Variants in C9orf40 observed in about 807,000 individuals in gnomAD.
C9orf40 encodes the protein uncharacterized protein C9orf40.
In C9orf40, 2 loss-of-function variants were observed where a neutral mutation model predicts 7.9. The ratio of observed to expected loss-of-function variants is 0.25; its 90% confidence interval spans 0.10 to 0.80. C9orf40 has a LOEUF of 0.80. C9orf40 is among the 30% of genes least tolerant of loss of function. C9orf40 has a pLI of 0.68. For missense variants in C9orf40, 256 were observed against 268.5 expected, an observed-to-expected ratio of 0.95 and a Z score of 0.33; for synonymous variants, 113 against 117.6, an observed-to-expected ratio of 0.96 and a Z score of 0.25.
Position 74,946,884 on chromosome 9 carries a change from A to C in C9orf40, c.*1164T>G, listed in dbSNP as rs1832246156. The C allele has an allele frequency of 6.6e-6, 1 of 152,240 alleles. No homozygotes were observed. The highest frequency in any genetic ancestry group is 2.4e-5 in the African/African-American group (1 of 41,466). 9.4% of individuals were successfully genotyped at this position (152,240 alleles called of 1,614,324 possible). Reference sequence around the variant, plus strand: ...ATCAACAACAAAAAATGCAAGCAAGAACCAGTTACTCAATTGCAAAACCAA... The same window carrying C: ...ATCAACAACAAAAAATGCAAGCAAGCACCAGTTACTCAATTGCAAAACCAA... On this transcript the variant is annotated 3_prime_UTR_variant, in exon 2 of 2. Transcript: ENST00000376854.
Position 74,952,515 on chromosome 9 carries a change from G to A in C9orf40, c.97C>T (p.Leu33Phe), listed in dbSNP as rs775455756. The change falls in exon 1 of 2, where the codon CTC becomes TTC. Residue 33 changes from leucine to phenylalanine, a missense_variant. Leu to Phe is a conservative substitution (Grantham distance 22, BLOSUM62 0). Transcript: ENST00000376854. The surrounding 1 kb of genome is among the most constrained non-coding windows in gnomAD (Gnocchi z 5.4). ...DFAEQPPPPPLWIRPPGVAHA... is the reference protein window; with the variant it reads ...DFAEQPPPPPFWIRPPGVAHA... ...GCGACCCCGGGCGGCCGGATCCAGA[G>A]AGGCGGTGGCGGCGGCTGCTCAGCG... is the stretch of plus-strand genomic sequence containing the variant. 2 of 1,591,936 alleles carry A rather than the reference G, an allele frequency of 1.3e-6. No homozygotes were observed. The highest frequency in any genetic ancestry group is 2.7e-5 in the African/African-American group (2 of 74,238).
intron 1 of C9orf40, among the ~76,000 whole-genome samples, chr9:74,948,501 T>G (rs1260270972): frequency 6.6e-6 from 1 of 152,172 alleles, no homozygotes; most frequent in Non-Finnish European, 1.5e-5. Flanking sequence ...TAAAGAAAAT[T>G]ATCTAAAAAG....
At position 74,952,303 on chromosome 9, in the gene C9orf40, GGGC is replaced by G. The variant is rs778729188; in HGVS notation, c.306_308del (p.Pro103del). The G allele has an allele frequency of 2.2e-6, 3 of 1,364,290 alleles. No homozygotes were observed. The highest frequency in any genetic ancestry group is 2.8e-6 in the Non-Finnish European group (3 of 1,060,644). The allele number at this position is 1,364,290 out of a possible 1,614,324, so 84.5% of individuals were successfully genotyped here. ...GCTCCTCCCCCGGCCCCGGCAGTAC[GGGC>G]GGCGGCGGCAGCGGCGGATCGCCTG... On this transcript the variant is annotated inframe_deletion, in exon 1 of 2. Transcript: ENST00000376854. This position sits in a 1 kb window ranked among gnomAD's most constrained non-coding sequence, Gnocchi z 5.4.
rs752840864 is a variant in C9orf40 at position 74,948,202 on chromosome 9, T to C, written c.431A>G (p.Asn144Ser). ...GDWGVASRQH[N>S]EEFWQYNTFQ... The stretch of plus-strand genomic sequence containing the variant: ...GGTATTATACTGCCAAAATTCTTCA[T>C]TGTGCTTTAGAGAAAAAAGAGAGAT... The change falls in exon 2 of 2, where the codon AAT becomes AGT. Residue 144 changes from asparagine to serine, a missense_variant. Asn to Ser is a conservative substitution (Grantham distance 46, BLOSUM62 1). Coordinates refer to ENST00000376854, the MANE Select transcript of C9orf40 (RefSeq NM_017998.3). 5.0e-6 allele frequency: 8 copies of C among 1,605,698 alleles called. No individual in the cohort carries two copies. Among genetic ancestry groups the C allele is most frequent in the African/African-American group, 1.3e-5 (1 of 74,606 alleles).
At position 74,948,041 on chromosome 9, in the gene C9orf40, C is replaced by T. The variant is rs747294638; in HGVS notation, c.*7G>A. On this transcript the variant is annotated 3_prime_UTR_variant, in exon 2 of 2. Transcript: ENST00000376854. ...ATCAGCCAATCCCACTGCTTCGGCTCCTTACATCAGGACTCCATGTCAACC... is the reference window on the plus strand; with the variant it reads ...ATCAGCCAATCCCACTGCTTCGGCTTCTTACATCAGGACTCCATGTCAACC... 1 of 1,612,252 alleles carries T rather than the reference C, an allele frequency of 6.2e-7. No individual in the cohort carries two copies. The highest frequency in any genetic ancestry group is 2.2e-5 in the East Asian group (1 of 44,844).
chr9:74,948,340 A>G, intron 1 of C9orf40, 134 bp from the exon 2 acceptor site: 1 of 543,196 alleles, frequency 1.8e-6, no homozygotes, highest in East Asian at 3.1e-5. Context: ...TTTAACAAAT[A>G]TACATTTTAA....
intron 1 of C9orf40, among the ~76,000 whole-genome samples, chr9:74,951,942 G>A (rs1718060759): frequency 6.6e-6 from 1 of 152,184 alleles, no homozygotes; most frequent in South Asian, 2.1e-4. Flanking sequence ...GACGCCGCAA[G>A]GCCACTTCTA....
In C9orf40 at chr9:74,947,616, A is replaced by G. The variant is rs1832255642; in HGVS notation, c.*432T>C. Reference sequence around the variant, plus strand: ...CAAGTCAGCTATTTGTTCAACTAACAGAGTCAATAGAATGTATTAGAAAGT... The same window carrying G: ...CAAGTCAGCTATTTGTTCAACTAACGGAGTCAATAGAATGTATTAGAAAGT... On this transcript the variant is annotated 3_prime_UTR_variant, in exon 2 of 2. Coordinates refer to ENST00000376854, the MANE Select transcript of C9orf40 (RefSeq NM_017998.3). 1 of 153,138 alleles carries G rather than the reference A, an allele frequency of 6.5e-6. No individual in the cohort carries two copies. The highest frequency in any genetic ancestry group is 1.5e-5 in the Non-Finnish European group (1 of 68,386). The allele number at this position is 153,138 out of a possible 1,614,324, so 9.5% of individuals were successfully genotyped here. A position where few individuals can be genotyped will look rare whatever the true frequency, so the allele number is the denominator to read the frequency against.
intron 1 of C9orf40, among the ~76,000 whole-genome samples, chr9:74,949,323 G>C (rs893599854): frequency 1.3e-5 from 2 of 152,134 alleles, no homozygotes; most frequent in African/African-American, 4.8e-5. Flanking sequence ...CCCAGAGTTT[G>C]AGACCAGCCC....
intron 1 of C9orf40, among the ~76,000 whole-genome samples, chr9:74,949,810 AAG>A (rs1449265605): frequency 6.6e-6 from 1 of 152,192 alleles, no homozygotes; most frequent in Non-Finnish European, 1.5e-5. Context: ...ATGATTGTAA[AAG>A]AGAAGCGCCT....
chr9:74,950,603 A>AAC (rs1832285155), intron 1 of C9orf40, among the ~76,000 whole-genome samples: 1 of 152,198 alleles, frequency 6.6e-6, no homozygotes, highest in Non-Finnish European at 1.5e-5. Flanking sequence ...GAAAAAAAAA[A>AAC]AAAAAGTCTT....
In C9orf40 at chr9:74,952,082, G is replaced by C; in HGVS notation, c.426+104C>G. The C allele has an allele frequency of 2.3e-6, 1 of 433,386 alleles. No individual in the cohort carries two copies. The highest frequency in any genetic ancestry group is 3.9e-6 in the Non-Finnish European group (1 of 256,078). The allele number at this position is 433,386 out of a possible 1,614,324, so 26.8% of individuals were successfully genotyped here. A position where few individuals can be genotyped will look rare whatever the true frequency, so the allele number is the denominator to read the frequency against. Reference sequence around the variant, plus strand: ...TGACCCCTTCTTTCAACCCCCTCAGGCGTCTTAACCTACACAAGTCATGAG... The same window carrying C: ...TGACCCCTTCTTTCAACCCCCTCAGCCGTCTTAACCTACACAAGTCATGAG... On this transcript the variant is annotated intron_variant, in intron 1 of 1. Transcript: ENST00000376854. This position sits in a 1 kb window ranked among gnomAD's most constrained non-coding sequence, Gnocchi z 5.4.
intron 1 of C9orf40, among the ~76,000 whole-genome samples, chr9:74,950,539 ATC>A (rs1832284517): frequency 1.3e-5 from 2 of 152,028 alleles, no homozygotes; most frequent in African/African-American, 4.8e-5. Flanking sequence ...GATTTTGAAT[ATC>A]TGAGAGCAAT....
Position 74,952,319 on chromosome 9 carries a change from G to A in C9orf40, c.293C>T (p.Pro98Leu), listed in dbSNP as rs369833513. The stretch of plus-strand genomic sequence containing the variant: ...CGGCAGTACGGGCGGCGGCGGCAGC[G>A]GCGGATCGCCTGTCTCCAGACCGTG... Reference protein sequence around the residue: ...EDHGLETGDPPLPPPPVLPGP... With the variant: ...EDHGLETGDPLLPPPPVLPGP... Residue 98 changes from proline (P) to leucine (L), a missense_variant, in exon 1 of 2, where the codon CCG (proline) becomes CTG (leucine). Coordinates refer to ENST00000376854, the MANE Select transcript of C9orf40 (RefSeq NM_017998.3). This position sits in a 1 kb window ranked among gnomAD's most constrained non-coding sequence, Gnocchi z 5.4. 536 of 1,395,306 alleles carry A rather than the reference G, an allele frequency of 3.8e-4. 1 individual carries two copies. In the African/African-American group the frequency reaches 7.0e-3, roughly 18 times the overall value. 86.4% of individuals were successfully genotyped at this position (1,395,306 alleles called of 1,614,324 possible). A position where few individuals can be genotyped will look rare whatever the true frequency, so the allele number is the denominator to read the frequency against.
rs1234857584 is a variant in C9orf40, at chr9:74,952,055, G to A, written c.426+131C>T. 2.6e-6 allele frequency: 1 copy of A among 382,964 alleles called. No individual in the cohort carries two copies. Among genetic ancestry groups the A allele is most frequent in the Non-Finnish European group, 4.6e-6 (1 of 216,702 alleles). The allele number at this position is 382,964 out of a possible 1,614,324, so 23.7% of individuals were successfully genotyped here. ...GGCGGTCGGCGTCCTCTCCCGGAGCGGTGACCCCTTCTTTCAACCCCCTCA... is the reference window on the plus strand; with the variant it reads ...GGCGGTCGGCGTCCTCTCCCGGAGCAGTGACCCCTTCTTTCAACCCCCTCA... On this transcript the variant is annotated intron_variant, in intron 1 of 1. Transcript: ENST00000376854. The surrounding 1 kb of genome is among the most constrained non-coding windows in gnomAD (Gnocchi z 5.4).
rs533687645 is a variant in C9orf40, at chr9:74,947,446, T to C, written c.*602A>G. 1 of 152,748 alleles carries C rather than the reference T, an allele frequency of 6.5e-6. No individual in the cohort carries two copies. The highest frequency in any genetic ancestry group is 2.1e-4 in the South Asian group (1 of 4,826). 9.5% of individuals were successfully genotyped at this position (152,748 alleles called of 1,614,324 possible). On this transcript the variant is annotated 3_prime_UTR_variant, in exon 2 of 2. Coordinates refer to ENST00000376854, the MANE Select transcript of C9orf40 (RefSeq NM_017998.3). ...TTCTTTATCCATCTTCAGTTGCCCA[T>C]AGTAGAGCTTAACCAACATCAAATA...
intron 1 of C9orf40, among the ~76,000 whole-genome samples, chr9:74,950,463 A>G (rs1377266252): frequency 6.6e-6 from 1 of 152,200 alleles, no homozygotes; most frequent in Non-Finnish European, 1.5e-5. Flanking sequence ...TTCAAACTAC[A>G]CAGTCCCTAA....
rs1255004278 is a variant in C9orf40, at chr9:74,952,833, G to T, written c.-222C>A. The stretch of plus-strand genomic sequence containing the variant: ...CCCGCGCTCAGCCCTCGCCGCCGCC[G>T]AGATGCGGCCCGGACGTTGAGAAGC... On this transcript the variant is annotated 5_prime_UTR_variant, in exon 1 of 2. Transcript: ENST00000376854. This position sits in a 1 kb window ranked among gnomAD's most constrained non-coding sequence, Gnocchi z 5.4. 4.7e-5 allele frequency: 23 copies of T among 491,336 alleles called. No individual in the cohort carries two copies. 30.4% of individuals were successfully genotyped at this position (491,336 alleles called of 1,614,324 possible).
Position 74,948,107 on chromosome 9 carries a change from G to A in C9orf40, c.526C>T (p.Leu176=). 5 of 1,614,026 alleles carry A rather than the reference G, an allele frequency of 3.1e-6. No individual in the cohort carries two copies. Among genetic ancestry groups the A allele is most frequent in the Non-Finnish European group, 4.2e-6 (5 of 1,179,934 alleles). The change falls in exon 2 of 2, where the codon CTG becomes TTG. Residue 176 remains leucine (L), a synonymous_variant. Transcript: ENST00000376854. ...CTGCCCTGAAGTGTTGCTTCTGTCAGGGTGTCTTCACTTAAATCTTCAATG... is the reference window on the plus strand; with the variant it reads ...CTGCCCTGAAGTGTTGCTTCTGTCAAGGTGTCTTCACTTAAATCTTCAATG... ...ADIEDLSEDT[L]TEATLQGRNE...
Sources: allele counts gnomAD v4.1 joint callset (sites outside exome capture counted in the v4.1 genomes callset), GRCh38; gene constraint gnomAD v4.1.1; non-coding constraint Gnocchi (gnomAD v3.1); transcripts MANE v1.5; gene names NCBI Gene and HGNC (gene_info 2026-07-23, HGNC 2026-07-21).